The following TRIP12 variants were observed in gnomAD, a reference collection of about 807,000 sequenced individuals.
TRIP12 encodes E3 ubiquitin-protein ligase TRIP12.
In TRIP12, 25 loss-of-function variants were observed where a neutral mutation model predicts 244.2. The observed-to-expected ratio is 0.10, with a 90% CI of 0.07 to 0.14. The LOEUF is 0.14. Among genes scored for constraint, TRIP12 ranks in the 10% least tolerant of loss-of-function variants. The pLI is 1.00. For missense variants in TRIP12, 1,677 were observed against 2,486.4 expected (o/e 0.67, Z 6.92); for synonymous variants, 905 against 873.1 (o/e 1.04, Z -0.64).
At chr2:229,785,259 A>G (rs1413190256) in intron 34 of TRIP12, among the ~76,000 whole-genome samples, 3 of 152,246 alleles carry the variant, frequency 2.0e-5, no homozygotes, top group Non-Finnish European at 2.9e-5. Context: ...CAGAAAACAC[A>G]TCAATGTTTA....
At chr2:229,882,960 G>T (rs1371072752) in intron 1 of TRIP12, among the ~76,000 whole-genome samples, 2 of 152,220 alleles carry the variant, frequency 1.3e-5, no homozygotes, top group African/African-American at 4.8e-5. Flanking sequence ...ACTCCCTGCT[G>T]TTAAAGCATA....
intron 5 of TRIP12, among the ~76,000 whole-genome samples, chr2:229,840,072 C>T (rs1350731777): frequency 3.3e-5 from 5 of 152,190 alleles, no homozygotes; most frequent in African/African-American, 1.2e-4. Flanking sequence ...GGCAACAGTA[C>T]AGCCATTAAA....
intron 1 of TRIP12, among the ~76,000 whole-genome samples, chr2:229,892,487 G>A (rs1560169959): frequency 6.6e-6 from 1 of 152,098 alleles, no homozygotes; most frequent in South Asian, 2.1e-4. Flanking sequence ...TCATAACTAA[G>A]CCTGAGTTTT....
chr2:229,800,912 AAAAAAG>A (rs921900814), intron 21 of TRIP12, among the ~76,000 whole-genome samples: 2 of 152,274 alleles, frequency 1.3e-5, no homozygotes, highest in African/African-American at 4.8e-5. Context: ...CTCTTTTTGA[AAAAAAG>A]AAAAAGAAAA....
At chr2:229,881,202 A>G (rs192786152) in intron 1 of TRIP12, among the ~76,000 whole-genome samples, 2 of 152,364 alleles carry the variant, frequency 1.3e-5, no homozygotes, top group East Asian at 3.9e-4. Context: ...ATTTAGCTCA[A>G]AACAGTTCTT....
intron 8 of TRIP12, among the ~76,000 whole-genome samples, chr2:229,821,479 G>A (rs1385608552): frequency 6.6e-6 from 1 of 152,098 alleles, no homozygotes; most frequent in Admixed American, 6.6e-5. Flanking sequence ...GGTCTCTACT[G>A]CAACTACTCA....
At chr2:229,867,339 T>C (rs1201660006) in intron 2 of TRIP12, among the ~76,000 whole-genome samples, 1 of 151,950 alleles carries the variant, frequency 6.6e-6, no homozygotes, top group Non-Finnish European at 1.5e-5. Flanking sequence ...CTAATTTTTA[T>C]ATTTTTAGTA....
In TRIP12 at chr2:229,860,351, G is replaced by A. The variant is rs2060263972; in HGVS notation, c.224+55C>T. The A allele has an allele frequency of 4.5e-6, 7 of 1,555,338 alleles. No individual in the cohort carries two copies. The South Asian group carries it at 8.5e-5, about 19-fold the overall frequency. ...ACCTCAAGTTTTAACATTATGCAAT[G>A]ATTTGAATGCAAATAATTCTGCCTT... On this transcript the variant is annotated intron_variant, in intron 3 of 41. Coordinates refer to ENST00000675903, the MANE Select transcript of TRIP12 (RefSeq NM_001348323.3).
At chr2:229,771,960 G>A (rs1171946860) in intron 38 of TRIP12, among the ~76,000 whole-genome samples, 1 of 152,202 alleles carries the variant, frequency 6.6e-6, no homozygotes, top group Non-Finnish European at 1.5e-5. Context: ...TTTCCCAAGA[G>A]GATAAAATGT....
At chr2:229,774,738 G>A (rs2035684572) in intron 37 of TRIP12, among the ~76,000 whole-genome samples, 1 of 151,526 alleles carries the variant, frequency 6.6e-6, no homozygotes, top group Non-Finnish European at 1.5e-5. Context: ...CAAAGCTCAA[G>A]TCTACAGAAT....
At chr2:229,920,738 ATGTTTTTCCG>A (rs767435947) in intron 1 of TRIP12, among the ~76,000 whole-genome samples, 89 of 152,100 alleles carry the variant, frequency 5.9e-4, no homozygotes, top group Non-Finnish European at 8.2e-4. Flanking sequence ...ATGTGTTTTT[ATGTTTTTCCG>A]CATTTTTCCG....
At chr2:229,882,635 C>G (rs1303216726) in intron 1 of TRIP12, among the ~76,000 whole-genome samples, 1 of 152,166 alleles carries the variant, frequency 6.6e-6, no homozygotes. Flanking sequence ...AGGACAGATA[C>G]AAGAGAATAG....
intron 11 of TRIP12, 81 bp from the exon 12 acceptor site, chr2:229,814,406 T>C: frequency 1.5e-6 from 2 of 1,374,336 alleles, no homozygotes; most frequent in Non-Finnish European, 2.1e-6. Flanking sequence ...TTTTCTCTAA[T>C]TTACATCCAT....
At chr2:229,913,549 C>CTA (rs1002433080) in intron 1 of TRIP12, among the ~76,000 whole-genome samples, 2 of 152,196 alleles carry the variant, frequency 1.3e-5, no homozygotes, top group Admixed American at 1.3e-4. Flanking sequence ...CTAAAATATT[C>CTA]TAGGGTCTTA....
intron 2 of TRIP12, among the ~76,000 whole-genome samples, chr2:229,877,906 G>T (rs1240090373): frequency 4.6e-5 from 7 of 152,184 alleles, no homozygotes; most frequent in Admixed American, 3.3e-4. Flanking sequence ...ATTACAGGAG[G>T]AATAATATTT....
intron 4 of TRIP12, among the ~76,000 whole-genome samples, chr2:229,854,826 T>C (rs565853726): frequency 1.3e-5 from 2 of 152,324 alleles, no homozygotes; most frequent in African/African-American, 2.4e-5. Flanking sequence ...TTCACCCCTA[T>C]CATTCTGTCC....
chr2:229,907,674 CAT>C (rs1056818257), intron 1 of TRIP12, among the ~76,000 whole-genome samples: 1 of 152,120 alleles, frequency 6.6e-6, no homozygotes, highest in African/African-American at 2.4e-5. Context: ...CATGGTGGCA[CAT>C]GTCTGCAGTC....
intron 1 of TRIP12, among the ~76,000 whole-genome samples, chr2:229,909,535 G>A (rs2073830343): frequency 6.6e-6 from 1 of 151,618 alleles, no homozygotes; most frequent in African/African-American, 2.4e-5. Context: ...TCCAGCCTAG[G>A]TGACAGCGTT....
At chr2:229,789,367 T>C (rs2040852151) in intron 31 of TRIP12, among the ~76,000 whole-genome samples, 1 of 152,248 alleles carries the variant, frequency 6.6e-6, no homozygotes, top group Non-Finnish European at 1.5e-5. Flanking sequence ...TCAAGTTTCA[T>C]ATTGTAGCTT....
Sources: gnomAD v4.1 joint callset for allele counts (sites outside exome capture counted in the v4.1 genomes callset) on GRCh38, gnomAD v4.1.1 for gene constraint, MANE v1.5 for transcripts, NCBI Gene and HGNC (gene_info 2026-07-23, HGNC 2026-07-21) for gene names.